The following RFX3 variants were observed in gnomAD, a reference collection of about 807,000 sequenced individuals.
The protein encoded by RFX3 is transcription factor RFX3.
A neutral mutation model predicts 98.6 loss-of-function variants in RFX3; 14 were observed. The ratio of observed to expected loss-of-function variants is 0.14; its 90% confidence interval spans 0.09 to 0.22. RFX3 has a LOEUF of 0.22. RFX3 is among the 10% of genes least tolerant of loss of function. The pLI, the probability that RFX3 is intolerant of heterozygous loss-of-function variation, is 1.00. For synonymous variants in RFX3, 383 were observed against 328.4 expected (o/e 1.17, Z -1.80); for missense variants, 639 against 926.9 (o/e 0.69, Z 4.03).
intron 1 of RFX3, among the ~76,000 whole-genome samples, chr9:3,494,231 C>A (rs1480631821): frequency 6.6e-6 from 1 of 152,108 alleles, no homozygotes; most frequent in Non-Finnish European, 1.5e-5. Context: ...TTTGCATAGA[C>A]TCTGGTGTTA....
intron 4 of RFX3, among the ~76,000 whole-genome samples, chr9:3,317,514 C>A (rs956236915): frequency 1.3e-5 from 2 of 152,166 alleles, no homozygotes; most frequent in Non-Finnish European, 2.9e-5. Flanking sequence ...CCAAAATTGA[C>A]AAATGGGTTC....
intron 3 of RFX3, among the ~76,000 whole-genome samples, chr9:3,338,215 C>T (rs924882121): frequency 3.3e-5 from 5 of 152,194 alleles, no homozygotes; most frequent in African/African-American, 9.6e-5. Context: ...AAGAATATCA[C>T]TAATAAAACA....
At chr9:3,305,985 G>C (rs1055100455) in intron 4 of RFX3, among the ~76,000 whole-genome samples, 1 of 151,964 alleles carries the variant, frequency 6.6e-6, no homozygotes, top group Non-Finnish European at 1.5e-5. Context: ...AGTTTATTGT[G>C]GATCACTTAA....
In RFX3 at chr9:3,311,880, C is replaced by G. The variant is rs188794339; in HGVS notation, c.475-10260G>C. On this transcript the variant is annotated intron_variant, in intron 4 of 16. Coordinates refer to ENST00000617270, the MANE Select transcript of RFX3 (RefSeq NM_001282116.2). The stretch of plus-strand genomic sequence containing the variant: ...GCCTGGGCAACAGAGCAAGACTCTG[C>G]CCACCCCCCTACTCCCCCAAAAAAG... Among the ~76,000 whole-genome samples the G allele has an allele frequency of 3.2e-3, 491 of 152,096 alleles. 2 individuals carry two copies. Among genetic ancestry groups the G allele is most frequent in the Non-Finnish European group, 5.1e-3 (350 of 67,980 alleles).
chr9:3,352,269 C>T (rs1440215964), intron 2 of RFX3, among the ~76,000 whole-genome samples: 1 of 151,696 alleles, frequency 6.6e-6, no homozygotes, highest in East Asian at 1.9e-4. Context: ...TATATATATA[C>T]ATATCAGCAT....
At chr9:3,304,929 G>A (rs1041394633) in intron 4 of RFX3, among the ~76,000 whole-genome samples, 2 of 152,004 alleles carry the variant, frequency 1.3e-5, no homozygotes, top group Admixed American at 1.3e-4. Context: ...AACTTTTGAG[G>A]AGTCTTTAAC....
intron 4 of RFX3, among the ~76,000 whole-genome samples, chr9:3,312,493 C>G (rs1830073436): frequency 6.6e-6 from 1 of 151,518 alleles, no homozygotes; most frequent in Non-Finnish European, 1.5e-5. Flanking sequence ...AAACAATATG[C>G]AAATACATTA....
At chr9:3,443,554 C>T (rs771352533) in intron 1 of RFX3, among the ~76,000 whole-genome samples, 3 of 152,160 alleles carry the variant, frequency 2.0e-5, no homozygotes, top group East Asian at 3.9e-4. Flanking sequence ...TTTATGGCTG[C>T]ATAATATTAC....
chr9:3,504,949 A>AAC (rs1816743694), intron 1 of RFX3, among the ~76,000 whole-genome samples: 1 of 23,538 alleles, frequency 4.2e-5, no homozygotes, highest in Admixed American at 5.8e-4. Flanking sequence ...TATATAATAT[A>AAC]ATATATATTA....
intron 15 of RFX3, among the ~76,000 whole-genome samples, chr9:3,232,791 AG>A (rs1586664182): frequency 6.9e-6 from 1 of 144,184 alleles, no homozygotes; most frequent in East Asian, 2.3e-4. Flanking sequence ...AGAGAGAGAG[AG>A]AGAGAGAGAA....
At chr9:3,241,560 C>T (rs1017045842) in intron 15 of RFX3, among the ~76,000 whole-genome samples, 15 of 152,076 alleles carry the variant, frequency 9.9e-5, no homozygotes, top group African/African-American at 3.1e-4. Context: ...AACAGAATGA[C>T]AAACCAGGAA....
chr9:3,341,873 T>A (rs1207370069), intron 3 of RFX3, among the ~76,000 whole-genome samples: 1 of 152,224 alleles, frequency 6.6e-6, no homozygotes, highest in Non-Finnish European at 1.5e-5. Flanking sequence ...CACCTCTGCA[T>A]CTCAATTACA....
chr9:3,441,660 G>A (rs7849922), intron 1 of RFX3, among the ~76,000 whole-genome samples: 287 of 152,228 alleles, frequency 1.9e-3, no homozygotes, highest in African/African-American at 6.4e-3. Context: ...ACAAAATAAC[G>A]TAGTATTTGA....
intron 2 of RFX3, among the ~76,000 whole-genome samples, chr9:3,350,061 G>A (rs995941663): frequency 2.0e-5 from 3 of 152,058 alleles, no homozygotes; most frequent in Non-Finnish European, 1.5e-5. Context: ...CTTGGGTTTG[G>A]TGATGCCTTT....
chr9:3,412,797 T>A (rs990803802), intron 1 of RFX3, among the ~76,000 whole-genome samples: 1 of 152,150 alleles, frequency 6.6e-6, no homozygotes, highest in Admixed American at 6.5e-5. Flanking sequence ...ATTTCTTACT[T>A]TTAAAAATTA....
intron 1 of RFX3, among the ~76,000 whole-genome samples, chr9:3,426,340 G>A (rs926163355): frequency 8.3e-6 from 1 of 121,160 alleles, no homozygotes; most frequent in African/African-American, 3.1e-5. Context: ...TTTTTTTTTT[G>A]TATTACAAAC....
intron 7 of RFX3, among the ~76,000 whole-genome samples, chr9:3,282,917 A>T (rs1030535816): frequency 4.0e-5 from 6 of 151,782 alleles, no homozygotes; most frequent in African/African-American, 1.4e-4. Flanking sequence ...ATAATTGCCA[A>T]TGAGATCTTG....
At chr9:3,491,942 T>C (rs1424519914) in intron 1 of RFX3, among the ~76,000 whole-genome samples, 1 of 152,228 alleles carries the variant, frequency 6.6e-6, no homozygotes, top group Non-Finnish European at 1.5e-5. Context: ...TGCTAATCGA[T>C]GCTATCTACC....
intron 1 of RFX3, chr9:3,524,528 T>G (rs1819020188): frequency 1.0e-6 from 1 of 982,414 alleles, no homozygotes; most frequent in East Asian, 1.1e-4. Flanking sequence ...TGACTTGAAT[T>G]TCAACTCTCA....
Sources: gnomAD v4.1 joint callset for allele counts (sites outside exome capture counted in the v4.1 genomes callset) on GRCh38, gnomAD v4.1.1 for gene constraint, MANE v1.5 for transcripts, NCBI Gene and HGNC (gene_info 2026-07-23, HGNC 2026-07-21) for gene names.